Variants in BBS9 observed in about 807,000 individuals in gnomAD.
BBS9 encodes the protein protein PTHB1.
A neutral mutation model predicts 117.7 loss-of-function variants in BBS9; 89 were observed. The observed-to-expected ratio is 0.76, with a 90% CI of 0.64 to 0.90. The LOEUF is 0.90. BBS9 is among the 40% of genes least tolerant of loss of function. The pLI, the probability that BBS9 is intolerant of heterozygous loss-of-function variation, is 0.00. For synonymous variants in BBS9, 379 were observed against 370.9 expected (o/e 1.02, Z -0.25); for missense variants, 982 against 1,042.2 (o/e 0.94, Z 0.80).
At chr7:33,167,403 CTTTT>C (rs1202170784) in intron 4 of BBS9, among the ~76,000 whole-genome samples, 1 of 134,204 alleles carries the variant, frequency 7.5e-6, no homozygotes, top group Non-Finnish European at 1.6e-5. Flanking sequence ...TCTGAGAATT[CTTTT>C]TTTTTTTTTT....
At chr7:33,595,524 G>A (rs898332551) in intron 21 of BBS9, among the ~76,000 whole-genome samples, 1 of 152,136 alleles carries the variant, frequency 6.6e-6, no homozygotes, top group African/African-American at 2.4e-5. Flanking sequence ...TTATTAAAAA[G>A]TCAGGAGACA....
At chr7:33,410,488 C>T (rs1157068626) in intron 19 of BBS9, among the ~76,000 whole-genome samples, 1 of 152,086 alleles carries the variant, frequency 6.6e-6, no homozygotes, top group African/African-American at 2.4e-5. Flanking sequence ...GACTCAGCCC[C>T]CTCTCTGTCA....
chr7:33,505,444 A>G lies in BBS9; in HGVS notation c.2116-19A>G. ...ATAATTGTGAAATTATCCCTAACCG[A>G]AGTTTGTAATATCTGCAGGTAATTG... On this transcript the variant is annotated intron_variant, in intron 19 of 22. Coordinates refer to ENST00000242067, the MANE Select transcript of BBS9 (RefSeq NM_198428.3). 1 of 1,613,848 alleles carries G rather than the reference A, an allele frequency of 6.2e-7. No individual in the cohort carries two copies.
At chr7:33,383,944 AGTT>A in intron 18 of BBS9, 106 bp downstream of exon 18, 1 of 1,224,230 alleles carries the variant, frequency 8.2e-7, no homozygotes, top group Non-Finnish European at 1.1e-6. Context: ...ATGTGCTTCT[AGTT>A]GTTTTTCTTA....
At chr7:33,545,761 G>A (rs536145422) in intron 21 of BBS9, among the ~76,000 whole-genome samples, 1 of 152,000 alleles carries the variant, frequency 6.6e-6, no homozygotes, top group African/African-American at 2.4e-5. Context: ...TTCTGAAATA[G>A]ATATAAATCC....
intron 1 of BBS9, among the ~76,000 whole-genome samples, chr7:33,131,739 A>AACATAGTG (rs1413802046): frequency 6.6e-6 from 1 of 152,248 alleles, no homozygotes; most frequent in Non-Finnish European, 1.5e-5. Flanking sequence ...CAGCCTGGGC[A>AACATAGTG]ACATAGTGAG....
At chr7:33,566,006 G>A (rs1315730838) in intron 21 of BBS9, among the ~76,000 whole-genome samples, 1 of 150,806 alleles carries the variant, frequency 6.6e-6, no homozygotes, top group African/African-American at 2.4e-5. Flanking sequence ...AAAAATGTAA[G>A]GAGTGTGGTC....
intron 21 of BBS9, among the ~76,000 whole-genome samples, chr7:33,599,924 G>A (rs1473312054): frequency 6.6e-6 from 1 of 152,088 alleles, no homozygotes. Context: ...GAGAGAGATT[G>A]TTCTGAACAC....
At chr7:33,602,785 G>T (rs905782236) in intron 21 of BBS9, among the ~76,000 whole-genome samples, 23 of 152,112 alleles carry the variant, frequency 1.5e-4, no homozygotes, top group African/African-American at 5.3e-4. Flanking sequence ...CAAGTGGCTG[G>T]TCAGCCCTTG....
At chr7:33,406,038 T>C (rs1482108462) in intron 19 of BBS9, among the ~76,000 whole-genome samples, 1 of 152,200 alleles carries the variant, frequency 6.6e-6, no homozygotes, top group Non-Finnish European at 1.5e-5. Context: ...GATTCTGGTA[T>C]GTTGTGTCTT....
At chr7:33,258,995 G>T (rs774958000) in intron 6 of BBS9, among the ~76,000 whole-genome samples, 1 of 152,092 alleles carries the variant, frequency 6.6e-6, no homozygotes, top group Non-Finnish European at 1.5e-5. Flanking sequence ...TGGTAAAAAT[G>T]CATGAGATAC....
At chr7:33,233,098 A>AG (rs909798745) in intron 5 of BBS9, among the ~76,000 whole-genome samples, 32 of 152,212 alleles carry the variant, frequency 2.1e-4, no homozygotes, top group South Asian at 4.1e-4. Context: ...TTGAAGAAAT[A>AG]GGGGGGGTTG....
At chr7:33,259,468 A>G (rs1164355697) in intron 6 of BBS9, among the ~76,000 whole-genome samples, 2 of 152,130 alleles carry the variant, frequency 1.3e-5, no homozygotes, top group African/African-American at 4.8e-5. Flanking sequence ...TTTACTCCAG[A>G]TCAATCTAAT....
chr7:33,436,319 T>C (rs1835300672), intron 19 of BBS9, among the ~76,000 whole-genome samples: 1 of 152,224 alleles, frequency 6.6e-6, no homozygotes, highest in Admixed American at 6.5e-5. Flanking sequence ...AAGTGTGTTG[T>C]AGTGTACTTG....
Position 33,542,733 on chromosome 7 carries a change from A to G in BBS9, c.2521+8557A>G, listed in dbSNP as rs113734139. Among the ~76,000 whole-genome samples the G allele has an allele frequency of 9.7e-3, 1,207 of 124,924 alleles. 19 individuals carry two copies. The highest frequency in any genetic ancestry group is 0.016 in the Non-Finnish European group (950 of 58,988). 82.0% of individuals were successfully genotyped at this position (124,924 alleles called of 152,430 possible). A position where few individuals can be genotyped will look rare whatever the true frequency, so the allele number is the denominator to read the frequency against. ...TGTGTGTGTGTGTGTGTGTGTGTGT[A>G]TATGTGTGTGTATATATATATACAC... On this transcript the variant is annotated intron_variant, in intron 21 of 22. Coordinates refer to ENST00000242067, the MANE Select transcript of BBS9 (RefSeq NM_198428.3).
intron 9 of BBS9, among the ~76,000 whole-genome samples, chr7:33,288,896 TG>T (rs1360538029): frequency 6.6e-6 from 1 of 152,194 alleles, no homozygotes; most frequent in Non-Finnish European, 1.5e-5. Flanking sequence ...ATGATGTAAC[TG>T]AGGCATAGAG....
chr7:33,388,308 C>T (rs1826408702), intron 19 of BBS9, among the ~76,000 whole-genome samples, 164 bp downstream of exon 19: 1 of 152,170 alleles, frequency 6.6e-6, no homozygotes, highest in African/African-American at 2.4e-5. Flanking sequence ...GGTTCAAAGT[C>T]AAACTCTGCT....
chr7:33,366,795 C>T (rs917082748), intron 16 of BBS9, among the ~76,000 whole-genome samples: 15 of 152,052 alleles, frequency 9.9e-5, no homozygotes, highest in African/African-American at 2.7e-4. Flanking sequence ...CTGCCCACCT[C>T]GGCCTCCCAA....
chr7:33,587,225 G>A (rs1563407627), intron 21 of BBS9, among the ~76,000 whole-genome samples: 3 of 151,964 alleles, frequency 2.0e-5, no homozygotes. Context: ...TCTGACTTGT[G>A]GATTGTACAG....
Sources: allele counts gnomAD v4.1 joint callset (sites outside exome capture counted in the v4.1 genomes callset), GRCh38; gene constraint gnomAD v4.1.1; transcripts MANE v1.5; gene names NCBI Gene and HGNC (gene_info 2026-07-23, HGNC 2026-07-21).